Variants in ITGA9 observed in about 807,000 individuals in gnomAD.
ITGA9 encodes the protein integrin alpha-9.
A neutral mutation model predicts 127.8 loss-of-function variants in ITGA9; 56 were observed. The observed-to-expected ratio is 0.44, with a 90% CI of 0.35 to 0.55. The LOEUF (loss-of-function observed/expected upper bound fraction) is 0.55, where lower values mean the gene tolerates loss of function less well. ITGA9 is among the 20% of genes least tolerant of loss of function. The pLI is 0.00. For synonymous variants in ITGA9, 508 were observed against 514.5 expected (o/e 0.99, Z 0.17); for missense variants, 1,196 against 1,347.1 (o/e 0.89, Z 1.76).
intron 1 of ITGA9, among the ~76,000 whole-genome samples, chr3:37,466,666 C>T (rs1277913062): frequency 6.6e-6 from 1 of 152,068 alleles, no homozygotes; most frequent in Non-Finnish European, 1.5e-5. Flanking sequence ...CTATCAATCA[C>T]CTGGAGAGCT....
chr3:37,587,961 G>A (rs1699775076), intron 15 of ITGA9, among the ~76,000 whole-genome samples: 1 of 152,182 alleles, frequency 6.6e-6, no homozygotes, highest in Non-Finnish European at 1.5e-5. Context: ...ATTGGAGCTG[G>A]AACAGCCCTC....
chr3:37,494,010 T>G (rs192763196), intron 4 of ITGA9, among the ~76,000 whole-genome samples: 71 of 152,252 alleles, frequency 4.7e-4, no homozygotes, highest in Non-Finnish European at 8.8e-5. Context: ...GAGCAGTCCC[T>G]TCTTCTTGCG....
At position 37,518,148 on chromosome 3, in the gene ITGA9, C is replaced by T. The variant is rs374499664; in HGVS notation, c.1141+539C>T. On this transcript the variant is annotated intron_variant, in intron 10 of 27. Coordinates refer to ENST00000264741, the MANE Select transcript of ITGA9 (RefSeq NM_002207.3). Reference sequence around the variant, plus strand: ...TTGGGAGGCATGGAGGCATATGTACCTAATGCCTAGGTCTGTTTGGACAGC... The same window carrying T: ...TTGGGAGGCATGGAGGCATATGTACTTAATGCCTAGGTCTGTTTGGACAGC... 6.1e-4 allele frequency among the ~76,000 whole-genome samples: 75 copies of T among 122,020 alleles called. No homozygotes were observed. The East Asian group carries it at 0.012, about 19-fold the overall frequency. 80.0% of individuals were successfully genotyped at this position (122,020 alleles called of 152,430 possible).
intron 23 of ITGA9, among the ~76,000 whole-genome samples, chr3:37,751,910 A>C (rs1696590753): frequency 6.6e-6 from 1 of 152,214 alleles, no homozygotes; most frequent in Non-Finnish European, 1.5e-5. Context: ...CCTGTGATCA[A>C]AGGCTGTGGG....
chr3:37,633,150 A>G (rs1047462140), intron 16 of ITGA9, among the ~76,000 whole-genome samples: 4 of 152,234 alleles, frequency 2.6e-5, no homozygotes, highest in African/African-American at 9.6e-5. Flanking sequence ...TTCCAGAAGA[A>G]TGAAGCTAAG....
chr3:37,686,442 C>T (rs7626426), intron 18 of ITGA9, among the ~76,000 whole-genome samples: 18,171 of 152,108 alleles, frequency 0.12, 1,217 homozygotes, highest in South Asian at 0.23. Context: ...ACTGGAGGGA[C>T]GCAGGCGTGG....
chr3:37,723,731 C>T (rs1476938744), intron 18 of ITGA9, among the ~76,000 whole-genome samples: 6 of 152,154 alleles, frequency 3.9e-5, no homozygotes, highest in African/African-American at 1.2e-4. Context: ...TGTGCTGCGA[C>T]GGCAGCGCTG....
At position 37,746,786 on chromosome 3, in the gene ITGA9, AC is replaced by A. The variant is rs1385643903; in HGVS notation, c.2433+2753del. 2.2e-4 allele frequency among the ~76,000 whole-genome samples: 34 copies of A among 152,268 alleles called. No individual in the cohort carries two copies. In the South Asian group the frequency reaches 2.5e-3, roughly 11 times the overall value. On this transcript the variant is annotated intron_variant, in intron 22 of 27. Coordinates refer to ENST00000264741, the MANE Select transcript of ITGA9 (RefSeq NM_002207.3). ...TTTTTGAATCAGGAGTTGGCAACCC[AC>A]TCATCTGCTCTATCAGTTTTTATCT...
At chr3:37,650,785 C>T (rs1406826144) in intron 16 of ITGA9, among the ~76,000 whole-genome samples, 1 of 151,526 alleles carries the variant, frequency 6.6e-6, no homozygotes, top group Non-Finnish European at 1.5e-5. Flanking sequence ...GGTGTTCACT[C>T]AGTCACACTG....
Position 37,517,612 on chromosome 3 carries a change from G to T in ITGA9, c.1141+3G>T. The T allele has an allele frequency of 1.3e-6, 2 of 1,567,884 alleles. No homozygotes were observed. The highest frequency in any genetic ancestry group is 1.2e-5 in the South Asian group (1 of 85,152). On this transcript the variant is annotated splice_donor_region_variant and intron_variant, in intron 10 of 27. Coordinates refer to ENST00000264741, the MANE Select transcript of ITGA9 (RefSeq NM_002207.3). ...TCTGGACAATGATGGGTTCCCAGGT[G>T]AGTGAGTGCTCCTGGTGCACGGAGC...
intron 14 of ITGA9, among the ~76,000 whole-genome samples, chr3:37,539,244 G>A (rs78819412): frequency 0.038 from 5,821 of 152,308 alleles, 126 homozygotes; most frequent in Non-Finnish European, 0.051. Context: ...GTTAATATGG[G>A]TTCTCCCCAA....
intron 10 of ITGA9, among the ~76,000 whole-genome samples, chr3:37,518,479 G>A (rs991131879): frequency 1.3e-5 from 2 of 152,190 alleles, no homozygotes; most frequent in Admixed American, 1.3e-4. Context: ...CAGTTTGTGA[G>A]AGTAATGTTA....
At chr3:37,624,574 G>A (rs1168596245) in intron 15 of ITGA9, among the ~76,000 whole-genome samples, 1 of 151,936 alleles carries the variant, frequency 6.6e-6, no homozygotes, top group Non-Finnish European at 1.5e-5. Context: ...CTCCATGTTG[G>A]CCTCCCTGCC....
chr3:37,619,683 G>A (rs1239386561), intron 15 of ITGA9, among the ~76,000 whole-genome samples: 2 of 152,200 alleles, frequency 1.3e-5, no homozygotes, highest in African/African-American at 4.8e-5. Flanking sequence ...AGGAGTCTGA[G>A]CATGGCCTGC....
chr3:37,678,533 GATA>G (rs1445977809), intron 17 of ITGA9, among the ~76,000 whole-genome samples: 4 of 152,146 alleles, frequency 2.6e-5, no homozygotes, highest in African/African-American at 9.7e-5. Flanking sequence ...ATACAATACC[GATA>G]ATAATAATGA....
intron 15 of ITGA9, among the ~76,000 whole-genome samples, chr3:37,545,954 G>A (rs138521272): frequency 8.3e-4 from 127 of 152,260 alleles, no homozygotes; most frequent in African/African-American, 2.9e-3. Flanking sequence ...TCAGAGGCCC[G>A]GTTTGTGTCA....
Position 37,500,156 on chromosome 3 carries a change from T to A in ITGA9, c.613-3022T>A, listed in dbSNP as rs148257048. On this transcript the variant is annotated intron_variant, in intron 5 of 27. Coordinates refer to ENST00000264741, the MANE Select transcript of ITGA9 (RefSeq NM_002207.3). The stretch of plus-strand genomic sequence containing the variant: ...CCAGGAGAAAAAGTCTCTCCTCTGA[T>A]GAACTTATTTCTGTTTTTTGTACTC... Among the ~76,000 whole-genome samples, 104 of 152,370 alleles carry A rather than the reference T, an allele frequency of 6.8e-4. 1 individual carries two copies. The highest frequency in any genetic ancestry group is 2.2e-3 in the African/African-American group (93 of 41,594).
chr3:37,633,922 A>G (rs1237378774), intron 16 of ITGA9, among the ~76,000 whole-genome samples: 2 of 152,218 alleles, frequency 1.3e-5, no homozygotes, highest in East Asian at 3.8e-4. Flanking sequence ...TACTACCTTC[A>G]CACCATTGTG....
At chr3:37,656,894 C>T (rs1367009583) in intron 17 of ITGA9, among the ~76,000 whole-genome samples, 1 of 151,948 alleles carries the variant, frequency 6.6e-6, no homozygotes, top group Non-Finnish European at 1.5e-5. Context: ...GAGTTTTTAG[C>T]ATGAAGGGGT....
Sources: allele counts gnomAD v4.1 joint callset (sites outside exome capture counted in the v4.1 genomes callset), GRCh38; gene constraint gnomAD v4.1.1; transcripts MANE v1.5; gene names NCBI Gene and HGNC (gene_info 2026-07-23, HGNC 2026-07-21).